The following GPBP1 variants were observed in gnomAD, a reference collection of about 807,000 sequenced individuals.
GPBP1 encodes vasculin.
In GPBP1, 13 loss-of-function variants were observed where a neutral mutation model predicts 56.5. The ratio of observed to expected loss-of-function variants is 0.23; its 90% confidence interval spans 0.15 to 0.37. The LOEUF is 0.37. GPBP1 is among the 10% of genes least tolerant of loss of function. GPBP1 has a pLI of 1.00. For missense variants in GPBP1, 477 were observed against 572.3 expected (o/e 0.83, Z 1.70); for synonymous variants, 204 against 188.9 (o/e 1.08, Z -0.66).
chr5:57,222,024 AGTTTTGTTTTTTT>A (rs948703734), intron 3 of GPBP1, among the ~76,000 whole-genome samples: 20 of 151,740 alleles, frequency 1.3e-4, no homozygotes, highest in African/African-American at 4.1e-4. Context: ...TTTCAACTTT[AGTTTTGTTTTTTT>A]GTTTTGTTTT....
Position 57,262,899 on chromosome 5 carries a change from C to G in GPBP1, c.*147C>G, listed in dbSNP as rs1223479718. The G allele has an allele frequency of 1.6e-6, 1 of 635,750 alleles. No homozygotes were observed. Among genetic ancestry groups the G allele is most frequent in the Admixed American group, 3.2e-5 (1 of 31,210 alleles). The allele number at this position is 635,750 out of a possible 1,614,324, so 39.4% of individuals were successfully genotyped here. A position where few individuals can be genotyped will look rare whatever the true frequency, so the allele number is the denominator to read the frequency against. On this transcript the variant is annotated 3_prime_UTR_variant, in exon 12 of 12. Coordinates refer to ENST00000506184, the MANE Select transcript of GPBP1 (RefSeq NM_022913.4). ...TGGGGGACTTCAATATGAAGAAAAC[C>G]AAGAATGTTTTGTTGGGCTGTGTTG...
At chr5:57,261,649 T>C (rs1741899195) in intron 11 of GPBP1, among the ~76,000 whole-genome samples, 1 of 152,200 alleles carries the variant, frequency 6.6e-6, no homozygotes, top group Admixed American at 6.5e-5. Context: ...TCCAGACCTT[T>C]TTTGTTTTGT....
chr5:57,206,137 T>C (rs1755224071), intron 2 of GPBP1, among the ~76,000 whole-genome samples: 1 of 152,236 alleles, frequency 6.6e-6, no homozygotes, highest in Non-Finnish European at 1.5e-5. Flanking sequence ...TTCTGGATAC[T>C]AGACCTTATT....
At chr5:57,199,334 AC>A (rs1754898370) in intron 2 of GPBP1, among the ~76,000 whole-genome samples, 1 of 152,074 alleles carries the variant, frequency 6.6e-6, no homozygotes, top group Admixed American at 6.6e-5. Context: ...TAGAACTGGG[AC>A]TAGACATTGG....
intron 8 of GPBP1, among the ~76,000 whole-genome samples, chr5:57,247,873 G>A (rs528276494): frequency 4.6e-5 from 7 of 151,882 alleles, no homozygotes; most frequent in Non-Finnish European, 7.4e-5. Flanking sequence ...TCTCCTGATT[G>A]TCTAGGACTA....
At position 57,189,014 on chromosome 5, in the gene GPBP1, C is replaced by T. The variant is rs142455476; in HGVS notation, c.-58+12614C>T. Reference sequence around the variant, plus strand: ...TCTGTCTGTCTGTCTTTCTTTGCGACGAAGTTTCACTCTTGTTGCCTAGGC... The same window carrying T: ...TCTGTCTGTCTGTCTTTCTTTGCGATGAAGTTTCACTCTTGTTGCCTAGGC... On this transcript the variant is annotated intron_variant, in intron 2 of 11. Coordinates refer to ENST00000506184, the MANE Select transcript of GPBP1 (RefSeq NM_022913.4). 3.2e-3 allele frequency among the ~76,000 whole-genome samples: 481 copies of T among 152,044 alleles called. 5 individuals are homozygous for T. Among genetic ancestry groups the T allele is most frequent in the African/African-American group, 0.011 (439 of 41,534 alleles).
chr5:57,232,855 A>ACGG, intron 5 of GPBP1, among the ~76,000 whole-genome samples: 1 of 152,236 alleles, frequency 6.6e-6, no homozygotes. Flanking sequence ...ACCAAAGAAC[A>ACGG]AGCATTTCTA....
intron 2 of GPBP1, among the ~76,000 whole-genome samples, chr5:57,200,949 AT>A (rs1261896379): frequency 6.6e-6 from 1 of 152,150 alleles, no homozygotes; most frequent in African/African-American, 2.4e-5. Context: ...GAGTGCTGGG[AT>A]TACAGGTGCA....
intron 8 of GPBP1, among the ~76,000 whole-genome samples, chr5:57,248,227 A>C (rs1741184070): frequency 6.6e-6 from 1 of 152,048 alleles, no homozygotes; most frequent in Non-Finnish European, 1.5e-5. Context: ...ACAAGAGAGA[A>C]AGGTATGTAT....
chr5:57,213,722 A>G (rs893440334), intron 2 of GPBP1, among the ~76,000 whole-genome samples: 2 of 152,230 alleles, frequency 1.3e-5, no homozygotes, highest in African/African-American at 4.8e-5. Context: ...GGGTTATATC[A>G]GGAAACATTT....
intron 2 of GPBP1, among the ~76,000 whole-genome samples, chr5:57,208,136 C>A (rs1036168304): frequency 6.6e-6 from 1 of 152,136 alleles, no homozygotes; most frequent in African/African-American, 2.4e-5. Flanking sequence ...CCTTCCCTTC[C>A]CAGCGCTTGC....
Position 57,246,309 on chromosome 5 carries a change from C to T in GPBP1, c.488C>T (p.Pro163Leu), listed in dbSNP as rs765724805. 25 of 1,610,772 alleles carry T rather than the reference C, an allele frequency of 1.6e-5. No homozygotes were observed. The highest frequency in any genetic ancestry group is 1.6e-4 in the Middle Eastern group (1 of 6,064). ...SLAAGVWEYP[P>L]NPKSRAPRML... is the part of the protein sequence containing the mutation. ...TGCTTTATTTATGCAGAATATCCTC[C>T]GAATCCTAAATCTAGAGCTCCAAGG... The change falls in exon 7 of 12, where the codon CCG (proline) becomes CTG (leucine). Residue 163 changes from proline (P) to leucine (L), a missense_variant. This residue lies in a region of GPBP1 where 414 missense variants were observed against 458.2 expected (regional missense o/e 0.90). Transcript: ENST00000506184.
At chr5:57,187,641 A>G (rs145423643) in intron 2 of GPBP1, among the ~76,000 whole-genome samples, 2 of 152,336 alleles carry the variant, frequency 1.3e-5, no homozygotes, top group African/African-American at 4.8e-5. Flanking sequence ...ATTGGCCAAC[A>G]TAGTCTTTAT....
At chr5:57,221,855 G>C (rs1039825539) in intron 3 of GPBP1, among the ~76,000 whole-genome samples, 4 of 152,118 alleles carry the variant, frequency 2.6e-5, no homozygotes, top group Admixed American at 6.5e-5. Context: ...ACTGCTAGTC[G>C]AGTTCATTGA....
chr5:57,184,022 A>G (rs1340324431), intron 2 of GPBP1, among the ~76,000 whole-genome samples: 1 of 152,116 alleles, frequency 6.6e-6, no homozygotes, highest in Non-Finnish European at 1.5e-5. Flanking sequence ...GCTTGAACCC[A>G]GGAATTTGAG....
intron 2 of GPBP1, among the ~76,000 whole-genome samples, chr5:57,196,827 G>A (rs1754786351): frequency 6.6e-6 from 1 of 152,088 alleles, no homozygotes; most frequent in Non-Finnish European, 1.5e-5. Flanking sequence ...TGTTGCCCAG[G>A]CTGGAGTTCA....
At chr5:57,195,980 CAAA>C (rs1181097227) in intron 2 of GPBP1, among the ~76,000 whole-genome samples, 411 of 29,630 alleles carry the variant, frequency 0.014, 1 homozygote, top group Middle Eastern at 0.036. Flanking sequence ...AACTCCATCT[CAAA>C]AAAAAAAAAA....
rs557266946 is a variant in GPBP1, at chr5:57,263,207, C to T, written c.*455C>T. On this transcript the variant is annotated 3_prime_UTR_variant, in exon 12 of 12. Transcript: ENST00000506184. ...GTCCACTTTGTGCGGTCTCCCTCTC[C>T]TTCCCCCAAAAAACAACAACAACAA... The T allele has an allele frequency of 5.2e-5, 8 of 152,872 alleles. No individual in the cohort carries two copies. The highest frequency in any genetic ancestry group is 1.9e-4 in the African/African-American group (8 of 41,570). 9.5% of individuals were successfully genotyped at this position (152,872 alleles called of 1,614,324 possible). A position where few individuals can be genotyped will look rare whatever the true frequency, so the allele number is the denominator to read the frequency against.
rs1741265745 is a variant in GPBP1, at chr5:57,249,629, T to C, written c.972+53T>C. 3 of 1,446,442 alleles carry C rather than the reference T, an allele frequency of 2.1e-6. No homozygotes were observed. In the East Asian group the frequency reaches 6.9e-5, roughly 33 times the overall value. 89.6% of individuals were successfully genotyped at this position (1,446,442 alleles called of 1,614,324 possible). ...TTGACATTGATATGTCATTGAAATATTTGAGCATGTATTAGGACCTTGGAA... is the reference window on the plus strand; with the variant it reads ...TTGACATTGATATGTCATTGAAATACTTGAGCATGTATTAGGACCTTGGAA... On this transcript the variant is annotated intron_variant, in intron 9 of 11. Transcript: ENST00000506184.
Sources: gnomAD v4.1 joint callset for allele counts (sites outside exome capture counted in the v4.1 genomes callset) on GRCh38, gnomAD v4.1.1 for gene constraint, gnomAD v4.1.1 regional missense constraint, MANE v1.5 for transcripts, NCBI Gene and HGNC (gene_info 2026-07-23, HGNC 2026-07-21) for gene names.